Variants in SORCS3 observed in about 807,000 individuals in gnomAD.
SORCS3 encodes sortilin related VPS10 domain containing receptor 3.
SORCS3 carries 57 observed loss-of-function variants against 146.3 expected under a neutral mutation model. The ratio of observed to expected loss-of-function variants is 0.39; its 90% confidence interval spans 0.31 to 0.49. The LOEUF is 0.49. SORCS3 is among the 20% of genes least tolerant of loss of function. The pLI, the probability that SORCS3 is intolerant of heterozygous loss-of-function variation, is 0.92. For synonymous variants in SORCS3, 653 were observed against 618.5 expected (o/e 1.06, Z -0.83); for missense variants, 1,341 against 1,575.5 (o/e 0.85, Z 2.52).
At chr10:105,189,086 G>A (rs2056497200) in intron 14 of SORCS3, among the ~76,000 whole-genome samples, 1 of 152,208 alleles carries the variant, frequency 6.6e-6, no homozygotes, top group Non-Finnish European at 1.5e-5. Context: ...ACATATGAAT[G>A]TAGGGTAACC....
At chr10:105,128,429 C>A (rs1341069141) in intron 7 of SORCS3, among the ~76,000 whole-genome samples, 1 of 152,116 alleles carries the variant, frequency 6.6e-6, no homozygotes, top group Non-Finnish European at 1.5e-5. Flanking sequence ...TATCTCCAAG[C>A]CTTCCAGAAA....
At chr10:105,262,887 G>A (rs962458564) in intron 26 of SORCS3, among the ~76,000 whole-genome samples, 56 of 152,104 alleles carry the variant, frequency 3.7e-4, no homozygotes, top group African/African-American at 1.3e-3. Flanking sequence ...ACCTCTCTGT[G>A]CCTCAAATTC....
intron 26 of SORCS3, 55 bp downstream of exon 26, chr10:105,262,546 C>G (rs1589716839): frequency 6.5e-7 from 1 of 1,541,714 alleles, no homozygotes; most frequent in Non-Finnish European, 8.9e-7. Context: ...AAACACTGGC[C>G]TGCTTCATCT....
chr10:105,017,143 G>A (rs988388957), intron 4 of SORCS3, among the ~76,000 whole-genome samples: 3 of 146,886 alleles, frequency 2.0e-5, no homozygotes, highest in African/African-American at 7.8e-5. Flanking sequence ...ATAATGAAGG[G>A]GATTTTTTTT....
chr10:104,904,522 A>G (rs546405412), intron 2 of SORCS3, among the ~76,000 whole-genome samples: 1 of 152,260 alleles, frequency 6.6e-6, no homozygotes, highest in East Asian at 1.9e-4. Context: ...TTGGCTAGAA[A>G]CTGACCAACT....
At chr10:104,733,180 G>A (rs920676948) in intron 1 of SORCS3, among the ~76,000 whole-genome samples, 2 of 152,278 alleles carry the variant, frequency 1.3e-5, no homozygotes, top group East Asian at 3.9e-4. Flanking sequence ...GCCCCCAGGA[G>A]CCCTGAGAAG....
chr10:104,704,004 T>A (rs2016309309), intron 1 of SORCS3, among the ~76,000 whole-genome samples: 1 of 152,174 alleles, frequency 6.6e-6, no homozygotes, highest in South Asian at 2.1e-4. Flanking sequence ...ATCTGTCACC[T>A]ACTTCAGTGG....
At chr10:104,851,234 A>G (rs547385863) in intron 2 of SORCS3, among the ~76,000 whole-genome samples, 4 of 152,240 alleles carry the variant, frequency 2.6e-5, no homozygotes, top group African/African-American at 9.6e-5. Context: ...GCTTCTTTTT[A>G]TGCCTCTTTT....
At chr10:105,163,879 C>CAT (rs1491338741) in intron 11 of SORCS3, among the ~76,000 whole-genome samples, 2 of 114,110 alleles carry the variant, frequency 1.8e-5, no homozygotes, top group African/African-American at 4.4e-5. Context: ...CACAGTTACG[C>CAT]ACATACACAC....
At chr10:105,143,813 G>T (rs187875975) in intron 8 of SORCS3, among the ~76,000 whole-genome samples, 1 of 152,004 alleles carries the variant, frequency 6.6e-6, no homozygotes, top group African/African-American at 2.4e-5. Flanking sequence ...CCCTTCTCCC[G>T]CTGTAGATTT....
intron 1 of SORCS3, among the ~76,000 whole-genome samples, chr10:104,752,199 A>AT (rs1411494655): frequency 2.1e-4 from 32 of 149,834 alleles, no homozygotes; most frequent in African/African-American, 4.9e-4. Context: ...CATGCTGTCT[A>AT]TTTTTTTTGT....
intron 4 of SORCS3, among the ~76,000 whole-genome samples, chr10:104,996,867 T>G (rs902479580): frequency 6.6e-6 from 1 of 152,160 alleles, no homozygotes; most frequent in African/African-American, 2.4e-5. Flanking sequence ...AAGTACAAAC[T>G]TCTGCCCTCA....
chr10:104,757,223 C>A (rs1202949721), intron 1 of SORCS3, among the ~76,000 whole-genome samples: 1 of 152,102 alleles, frequency 6.6e-6, no homozygotes, highest in Non-Finnish European at 1.5e-5. Flanking sequence ...GGGCAGCTGT[C>A]CACATAATTG....
chr10:105,252,747 G>T, intron 22 of SORCS3, 28 bp from the exon 23 acceptor site: 1 of 1,613,290 alleles, frequency 6.2e-7, no homozygotes, highest in South Asian at 1.1e-5. Flanking sequence ...CTCCTCCACA[G>T]CCTCTCTTTG....
chr10:104,671,221 G>A (rs1167559233), intron 1 of SORCS3, among the ~76,000 whole-genome samples: 4 of 148,392 alleles, frequency 2.7e-5, no homozygotes, highest in Admixed American at 2.0e-4. Flanking sequence ...ACTTGTTCCT[G>A]ATCCTAGAGG....
rs34795700 is a variant in SORCS3, at chr10:105,222,044, CTTTTTTTTTTTTT to C, written c.2735-1057_2735-1045del. Among the ~76,000 whole-genome samples the C allele has an allele frequency of 3.5e-4, 27 of 76,516 alleles. No homozygotes were observed. In the East Asian group the frequency reaches 4.7e-3, roughly 13 times the overall value. 50.2% of individuals were successfully genotyped at this position (76,516 alleles called of 152,430 possible). A position where few individuals can be genotyped will look rare whatever the true frequency, so the allele number is the denominator to read the frequency against. On this transcript the variant is annotated intron_variant, in intron 19 of 26. Transcript: ENST00000369701. Reference sequence around the variant, plus strand: ...CAGATGCAACACCGATACCTTAACACTTTTTTTTTTTTTTTTTTTTTTTTTTTAGTTAACATGA... The same window carrying C: ...CAGATGCAACACCGATACCTTAACACTTTTTTTTTTTTTTAGTTAACATGA...
intron 1 of SORCS3, among the ~76,000 whole-genome samples, chr10:104,763,035 G>C (rs774425732): frequency 6.6e-5 from 10 of 152,174 alleles, no homozygotes; most frequent in Non-Finnish European, 1.5e-4. Flanking sequence ...TGTACAGCCA[G>C]AAGTGAGAAC....
chr10:105,092,197 T>G (rs1318392807), intron 6 of SORCS3, among the ~76,000 whole-genome samples: 1 of 152,294 alleles, frequency 6.6e-6, no homozygotes, highest in African/African-American at 2.4e-5. Flanking sequence ...TTCCGTGAAA[T>G]TTTATGAGAT....
chr10:105,043,458 C>A (rs1298615925), intron 5 of SORCS3, among the ~76,000 whole-genome samples: 1 of 152,124 alleles, frequency 6.6e-6, no homozygotes, highest in Non-Finnish European at 1.5e-5. Context: ...TATGTACTAA[C>A]CCCCTCTTTT....
Sources: allele counts gnomAD v4.1 joint callset (sites outside exome capture counted in the v4.1 genomes callset), GRCh38; gene constraint gnomAD v4.1.1; transcripts MANE v1.5; gene names NCBI Gene and HGNC (gene_info 2026-07-23, HGNC 2026-07-21).